The following JARID2 variants were observed in gnomAD, a reference collection of about 807,000 sequenced individuals.
JARID2 encodes jumonji and AT-rich interaction domain containing 2, also known as protein Jumonji.
Under a neutral mutation model 125.6 loss-of-function variants are expected in JARID2, and 21 were observed. The ratio of observed to expected loss-of-function variants is 0.17; its 90% CI spans 0.12 to 0.24. The LOEUF (loss-of-function observed/expected upper bound fraction) is 0.24, where lower values mean the gene tolerates loss of function less well. Among genes scored for constraint, JARID2 ranks in the 10% least tolerant of loss-of-function variants. The pLI is 1.00. For synonymous variants in JARID2, 736 were observed against 661.6 expected (o/e 1.11, Z -1.73); for missense variants, 1,303 against 1,639.6 (o/e 0.79, Z 3.55).
chr6:15,275,519 TTA>T, intron 1 of JARID2, among the ~76,000 whole-genome samples: 1 of 35,168 alleles, frequency 2.8e-5, no homozygotes, highest in Non-Finnish European at 5.9e-5. Context: ...TAAAGTCCAT[TTA>T]CCGCCCCCCC....
At chr6:15,284,437 T>C (rs1406203087) in intron 1 of JARID2, among the ~76,000 whole-genome samples, 1 of 152,192 alleles carries the variant, frequency 6.6e-6, no homozygotes, top group African/African-American at 2.4e-5. Flanking sequence ...AGCTCTGGGC[T>C]ATACTCCAGA....
At chr6:15,502,380 C>T (rs1386460362) in intron 8 of JARID2, among the ~76,000 whole-genome samples, 2 of 152,226 alleles carry the variant, frequency 1.3e-5, no homozygotes, top group Non-Finnish European at 2.9e-5. Flanking sequence ...CAGACTTGTC[C>T]TCTGTGGTCC....
At chr6:15,438,380 A>G (rs1767303146) in intron 3 of JARID2, among the ~76,000 whole-genome samples, 1 of 152,180 alleles carries the variant, frequency 6.6e-6, no homozygotes, top group Non-Finnish European at 1.5e-5. Context: ...ATGATTCTGC[A>G]TTTGCCCAGT....
rs1174468261 is a variant in JARID2, at chr6:15,497,112, C to T, written c.1887C>T (p.Ala629=). The T allele has an allele frequency of 6.4e-7, 1 of 1,569,262 alleles. No homozygotes were observed. Among genetic ancestry groups the T allele is most frequent in the East Asian group, 2.4e-5 (1 of 41,820 alleles). Residue 629 remains alanine (A), a synonymous_variant, in exon 7 of 18, where the codon GCC becomes GCT. Coordinates refer to ENST00000341776, the MANE Select transcript of JARID2 (RefSeq NM_004973.4). ...RRWGPNVQRL[A]CIKKHLKSQG... is the part of the protein sequence containing the mutation. The stretch of plus-strand genomic sequence containing the variant: ...GGGGCCCCAACGTGCAGCGGCTGGC[C>T]TGCATCAAGAAGCACCTCAAATCTC...
chr6:15,512,606 G>C (rs892374969), intron 14 of JARID2, among the ~76,000 whole-genome samples: 1 of 152,124 alleles, frequency 6.6e-6, no homozygotes, highest in South Asian at 2.1e-4. Context: ...TGATCAGACC[G>C]TTACTGACAG....
At chr6:15,477,504 G>GTTT (rs56055395) in intron 5 of JARID2, among the ~76,000 whole-genome samples, 6 of 137,430 alleles carry the variant, frequency 4.4e-5, no homozygotes, top group African/African-American at 5.4e-5. Context: ...GGGAGTGTTG[G>GTTT]TTTTTTTTTT....
intron 1 of JARID2, among the ~76,000 whole-genome samples, chr6:15,310,726 C>G (rs981756620): frequency 3.2e-4 from 48 of 152,158 alleles, no homozygotes; most frequent in African/African-American, 1.2e-3. Flanking sequence ...TTCCCATCCC[C>G]GCTTGGCTCT....
Position 15,496,854 on chromosome 6 carries a change from G to GAAGGGCGGCGGC in JARID2, c.1634_1645dup (p.Gly545_Lys548dup). 1 of 1,601,796 alleles carries GAAGGGCGGCGGC rather than the reference G, an allele frequency of 6.2e-7. No individual in the cohort carries two copies. The highest frequency in any genetic ancestry group is 8.5e-7 in the Non-Finnish European group (1 of 1,171,862). On this transcript the variant is annotated inframe_insertion, in exon 7 of 18. Transcript: ENST00000341776. ...AGCCGCAGGACTCGGGCAAGGCCGA[G>GAAGGGCGGCGGC]AAGGGCGGCGGCAAGGCCGGGTGGG...
chr6:15,350,917 T>G (rs1389542361), intron 1 of JARID2, among the ~76,000 whole-genome samples: 1 of 151,722 alleles, frequency 6.6e-6, no homozygotes, highest in African/African-American at 2.4e-5. Context: ...TTATGTTAGG[T>G]CCTCAAGGAT....
intron 17 of JARID2, among the ~76,000 whole-genome samples, chr6:15,519,313 C>T (rs972432688): frequency 4.6e-5 from 7 of 152,254 alleles, no homozygotes; most frequent in South Asian, 2.1e-4. Context: ...ACGTGTGGAC[C>T]GCCCCGCCTT....
At chr6:15,336,265 A>G (rs913442791) in intron 1 of JARID2, among the ~76,000 whole-genome samples, 1 of 152,252 alleles carries the variant, frequency 6.6e-6, no homozygotes, top group Non-Finnish European at 1.5e-5. Context: ...TATCAAGCCT[A>G]ACTAATTTAT....
At position 15,315,714 on chromosome 6, in the gene JARID2, C is replaced by T. The variant is rs781363014; in HGVS notation, c.46-58403C>T. On this transcript the variant is annotated intron_variant, in intron 1 of 17. Transcript: ENST00000341776. ...ACCAAAATAAATGAGTGGTGTTTCG[C>T]CCAATTCTGTTTTTTCAAGTTCTGT... is the stretch of plus-strand genomic sequence containing the variant. Among the ~76,000 whole-genome samples, 17 of 152,108 alleles carry T rather than the reference C, an allele frequency of 1.1e-4. 1 individual carries two copies. Among genetic ancestry groups the T allele is most frequent in the Admixed American group, 6.6e-4 (10 of 15,260 alleles).
intron 1 of JARID2, among the ~76,000 whole-genome samples, chr6:15,265,201 CCAGT>C (rs1304546765): frequency 6.6e-6 from 1 of 152,046 alleles, no homozygotes; most frequent in African/African-American, 2.4e-5. Flanking sequence ...AGGAATGAGA[CCAGT>C]TGGTTGTCCT....
At chr6:15,360,777 T>A (rs958675841) in intron 1 of JARID2, among the ~76,000 whole-genome samples, 2 of 152,158 alleles carry the variant, frequency 1.3e-5, no homozygotes, top group Non-Finnish European at 2.9e-5. Flanking sequence ...TGTGTGAGAA[T>A]TACAGACATG....
chr6:15,469,387 TC>T (rs1768950847), intron 5 of JARID2, among the ~76,000 whole-genome samples: 1 of 39,714 alleles, frequency 2.5e-5, no homozygotes, highest in Admixed American at 3.2e-4. Context: ...TCTCCCCCTC[TC>T]CCCCTTTCCC....
At chr6:15,351,560 A>G (rs1763429239) in intron 1 of JARID2, among the ~76,000 whole-genome samples, 1 of 152,262 alleles carries the variant, frequency 6.6e-6, no homozygotes, top group African/African-American at 2.4e-5. Context: ...ATGTTGGTGC[A>G]TGTGTAGCGT....
At chr6:15,269,053 C>G (rs1010377866) in intron 1 of JARID2, among the ~76,000 whole-genome samples, 37 of 152,254 alleles carry the variant, frequency 2.4e-4, no homozygotes, top group African/African-American at 8.9e-4. Context: ...TGGGGAATGT[C>G]CTAGAATTTA....
chr6:15,346,838 C>A (rs984318682), intron 1 of JARID2, among the ~76,000 whole-genome samples: 1 of 151,654 alleles, frequency 6.6e-6, no homozygotes, highest in East Asian at 1.9e-4. Flanking sequence ...TGGGTTCAAG[C>A]AGTGCTCCTT....
At position 15,507,382 on chromosome 6, in the gene JARID2, A is replaced by G; in HGVS notation, c.2697A>G (p.Thr899=). 2.5e-6 allele frequency: 4 copies of G among 1,614,042 alleles called. No individual in the cohort carries two copies. The East Asian group carries it at 8.9e-5, about 36-fold the overall frequency. Residue 899 remains threonine, a synonymous_variant, in exon 11 of 18, where the codon ACA becomes ACG. Transcript: ENST00000341776. ...GWNLTVLPNN[T]GSILRHLGAV... ...ACCTCACCGTCCTCCCCAATAACAC[A>G]GGGTCCATCCTGCGTCACCTCGGTG...
Sources: gnomAD v4.1 joint callset for allele counts (sites outside exome capture counted in the v4.1 genomes callset) on GRCh38, gnomAD v4.1.1 for gene constraint, MANE v1.5 for transcripts, NCBI Gene and HGNC (gene_info 2026-07-23, HGNC 2026-07-21) for gene names.